Variants in HNRNPM observed in about 807,000 individuals in gnomAD.
HNRNPM encodes the protein CEA receptor.
In HNRNPM, 11 loss-of-function variants were observed where a neutral mutation model predicts 73.1. That is an observed-to-expected ratio of 0.15 (90% CI 0.09 to 0.25). The LOEUF is 0.25. Ranked by LOEUF, HNRNPM falls within the 10% of genes least tolerant of loss-of-function variation. The pLI is 1.00. For missense variants in HNRNPM, 789 were observed against 1,067.9 expected, an observed-to-expected ratio of 0.74 and a Z score of 3.64; for synonymous variants, 407 against 355.2, an observed-to-expected ratio of 1.15 and a Z score of -1.64.
In HNRNPM at chr19:8,463,087, G is replaced by A. The variant is rs149527837; in HGVS notation, c.337-410G>A. ...AAGAGAACATAAACTATTTTCTGTCGTGCAATAGAATGGCTTAGAATAATC... is the reference window on the plus strand; with the variant it reads ...AAGAGAACATAAACTATTTTCTGTCATGCAATAGAATGGCTTAGAATAATC... On this transcript the variant is annotated intron_variant, in intron 3 of 15. Transcript: ENST00000325495. Among the ~76,000 whole-genome samples, 270 of 152,272 alleles carry A rather than the reference G, an allele frequency of 1.8e-3. 1 individual carries two copies. The highest frequency in any genetic ancestry group is 3.2e-3 in the Non-Finnish European group (215 of 68,012).
intron 2 of HNRNPM, among the ~76,000 whole-genome samples, chr19:8,458,047 C>G (rs989692028): frequency 4.6e-5 from 7 of 152,160 alleles, no homozygotes; most frequent in Non-Finnish European, 8.8e-5. Flanking sequence ...AATTTTCTGT[C>G]ATTATAGCAC....
intron 12 of HNRNPM, among the ~76,000 whole-genome samples, chr19:8,475,706 A>G (rs1970452612): frequency 6.6e-6 from 1 of 152,164 alleles, no homozygotes; most frequent in Non-Finnish European, 1.5e-5. Context: ...CTTGCCTGTA[A>G]CTTGTGTGTG....
Position 8,445,005 on chromosome 19 carries a change from G to A in HNRNPM, c.7G>A (p.Ala3Thr), listed in dbSNP as rs768789716. The A allele has an allele frequency of 2.8e-6, 4 of 1,421,448 alleles. No homozygotes were observed. The highest frequency in any genetic ancestry group is 1.8e-6 in the Non-Finnish European group (2 of 1,089,636). The allele number at this position is 1,421,448 out of a possible 1,614,324, so 88.1% of individuals were successfully genotyped here. A position where few individuals can be genotyped will look rare whatever the true frequency, so the allele number is the denominator to read the frequency against. The change falls in exon 1 of 16, where the codon GCA (alanine) becomes ACA (threonine). Residue 3 changes from alanine to threonine, a missense_variant. Transcript: ENST00000325495. MA[A>T]GVEAAAEVAA... ...AAGCCCAGACGCGGAGAAAATGGCG[G>A]CAGGGGTCGAAGCGGCGGCGGAGGT... is the stretch of plus-strand genomic sequence containing the variant.
chr19:8,478,175 G>A (rs931135463), intron 12 of HNRNPM, among the ~76,000 whole-genome samples: 7 of 152,202 alleles, frequency 4.6e-5, no homozygotes, highest in African/African-American at 1.7e-4. Flanking sequence ...AATGGAAGTT[G>A]TTCATTGGTC....
rs1971224452 is a variant in HNRNPM at position 8,485,640 on chromosome 19, G to A, written c.1212G>A (p.Met404Ile). The change falls in exon 14 of 16, where the codon ATG becomes ATA. Residue 404 changes from methionine to isoleucine, a missense_variant. Physicochemically the swap from Met to Ile is conservative, Grantham distance 10. This residue lies in a region of HNRNPM where 604 missense variants were observed against 744.0 expected (regional missense o/e 0.81). Transcript: ENST00000325495. The part of the protein sequence containing the change: ...GGGSVPGIER[M>I]GPGIDRLGGA... ...GAAGCGTCCCTGGGATCGAGAGGAT[G>A]GGTCCTGGCATTGACCGCCTCGGGG... 1.2e-6 allele frequency: 2 copies of A among 1,605,040 alleles called. No homozygotes were observed. Among genetic ancestry groups the A allele is most frequent in the Admixed American group, 1.7e-5 (1 of 59,888 alleles).
chr19:8,452,109 C>T (rs1968672564), intron 1 of HNRNPM, among the ~76,000 whole-genome samples: 1 of 152,286 alleles, frequency 6.6e-6, no homozygotes, highest in East Asian at 1.9e-4. Flanking sequence ...ACCAAATGCT[C>T]AGCTTCTGTG....
chr19:8,469,765 C>T (rs1408320437), intron 9 of HNRNPM, among the ~76,000 whole-genome samples: 5 of 152,186 alleles, frequency 3.3e-5, no homozygotes, highest in East Asian at 1.9e-4. Context: ...GTGTGCTGTG[C>T]TGGGGTGACC....
At chr19:8,449,141 C>T (rs186616621) in intron 1 of HNRNPM, among the ~76,000 whole-genome samples, 70 of 152,328 alleles carry the variant, frequency 4.6e-4, no homozygotes, top group Admixed American at 4.4e-3. Context: ...TTTGGAGACA[C>T]GTCAGATTGT....
At chr19:8,478,102 G>A (rs1354177391) in intron 12 of HNRNPM, among the ~76,000 whole-genome samples, 1 of 152,216 alleles carries the variant, frequency 6.6e-6, no homozygotes, top group Non-Finnish European at 1.5e-5. Context: ...CACTGCAGGG[G>A]ACCTCTTGGT....
chr19:8,475,004 C>T (rs914159631), intron 12 of HNRNPM, among the ~76,000 whole-genome samples: 7 of 152,192 alleles, frequency 4.6e-5, no homozygotes, highest in African/African-American at 4.8e-5. Context: ...CGTGAGCCAC[C>T]GTGCTCGGCA....
At chr19:8,448,756 T>G (rs1047630798) in intron 1 of HNRNPM, among the ~76,000 whole-genome samples, 5 of 152,242 alleles carry the variant, frequency 3.3e-5, no homozygotes, top group South Asian at 2.1e-4. Flanking sequence ...GTGCTGGGAT[T>G]ATAGGCGTGA....
Position 8,479,772 on chromosome 19 carries a change from A to AATTTT in HNRNPM, c.1121-3386_1121-3385insATTTT, listed in dbSNP as rs1491516635. On this transcript the variant is annotated intron_variant, in intron 12 of 15. Transcript: ENST00000325495. ...GGTGTATTTAAAAAAAAAAAAAAAA[A>AATTTT]TTTTTTTTTTTTTTTTTTTTGCGAC... Among the ~76,000 whole-genome samples the AATTTT allele has an allele frequency of 6.2e-4, 26 of 41,640 alleles. 1 individual carries two copies. Among genetic ancestry groups the AATTTT allele is most frequent in the African/African-American group, 2.1e-3 (23 of 11,182 alleles). The allele number at this position is 41,640 out of a possible 152,430, so 27.3% of individuals were successfully genotyped here.
chr19:8,452,058 G>T, intron 1 of HNRNPM, among the ~76,000 whole-genome samples: 1 of 152,154 alleles, frequency 6.6e-6, no homozygotes, highest in East Asian at 1.9e-4. Flanking sequence ...GGTGAGAGCC[G>T]CTTTCTCAAT....
chr19:8,465,709 C>T (rs929931561), intron 6 of HNRNPM, among the ~76,000 whole-genome samples, 194 bp downstream of exon 6: 3 of 152,124 alleles, frequency 2.0e-5, no homozygotes, highest in Admixed American at 6.6e-5. Flanking sequence ...ACCGTGGTCT[C>T]GTTGGGGCTG....
In HNRNPM at chr19:8,475,937, G is replaced by A. The variant is rs147337170; in HGVS notation, c.1120+1693G>A. 1.4e-3 allele frequency among the ~76,000 whole-genome samples: 189 copies of A among 130,674 alleles called. 2 individuals carry two copies. Among genetic ancestry groups the A allele is most frequent in the Middle Eastern group, 5.3e-3 (1 of 190 alleles). The allele number at this position is 130,674 out of a possible 152,430, so 85.7% of individuals were successfully genotyped here. A position where few individuals can be genotyped will look rare whatever the true frequency, so the allele number is the denominator to read the frequency against. ...TTTTTTTTTTTTTTTTTTAAGAACA[G>A]ATTAGTCATTAGGGAATTTGAGTTG... On this transcript the variant is annotated intron_variant, in intron 12 of 15. Transcript: ENST00000325495.
intron 6 of HNRNPM, among the ~76,000 whole-genome samples, chr19:8,465,734 C>G (rs1001725368): frequency 6.6e-6 from 1 of 152,050 alleles, no homozygotes; most frequent in African/African-American, 2.4e-5. Flanking sequence ...TCCTGAGTTT[C>G]GCAGGTGTTT....
intron 14 of HNRNPM, among the ~76,000 whole-genome samples, chr19:8,486,746 G>A (rs1486557667): frequency 1.3e-5 from 2 of 152,320 alleles, no homozygotes; most frequent in East Asian, 3.9e-4. Flanking sequence ...GCCACCCTTA[G>A]CCACTATTTA....
chr19:8,447,276 T>TTTC (rs57412916), intron 1 of HNRNPM, among the ~76,000 whole-genome samples: 2 of 151,226 alleles, frequency 1.3e-5, no homozygotes, highest in Non-Finnish European at 3.0e-5. Context: ...TTTTTTTTTT[T>TTTC]CATTACAAGT....
chr19:8,446,961 A>T (rs1259251817), intron 1 of HNRNPM, among the ~76,000 whole-genome samples: 1 of 152,158 alleles, frequency 6.6e-6, no homozygotes, highest in African/African-American at 2.4e-5. Flanking sequence ...TGGTATTTGG[A>T]GGGCTTTAAG....
Sources: gnomAD v4.1 joint callset for allele counts (sites outside exome capture counted in the v4.1 genomes callset) on GRCh38, gnomAD v4.1.1 for gene constraint, gnomAD v4.1.1 regional missense constraint, MANE v1.5 for transcripts, NCBI Gene and HGNC (gene_info 2026-07-23, HGNC 2026-07-21) for gene names.